The following TUSC3 variants were observed in gnomAD, a reference collection of about 807,000 sequenced individuals.
The protein encoded by TUSC3 is tumor suppressor candidate 3.
Under a neutral mutation model 44.8 loss-of-function variants are expected in TUSC3, and 45 were observed. That is an observed-to-expected ratio of 1.00 (90% CI 0.79 to 1.29). The LOEUF (loss-of-function observed/expected upper bound fraction) is 1.29. Ranked by LOEUF, TUSC3 falls within the 50% of genes most tolerant of loss-of-function variation. The probability of loss-of-function intolerance (pLI) is 0.00; values close to 1 mark genes in which losing one functional copy is unlikely to be tolerated. For missense variants in TUSC3, 519 were observed against 437.9 expected, an observed-to-expected ratio of 1.19 and a Z score of -1.65; for synonymous variants, 212 against 152.9, an observed-to-expected ratio of 1.39 and a Z score of -2.85.
At chr8:15,570,302 A>ACACACT (rs1491248159) in intron 1 of TUSC3, among the ~76,000 whole-genome samples, 1 of 142,358 alleles carries the variant, frequency 7.0e-6, no homozygotes, top group African/African-American at 2.6e-5. Flanking sequence ...ACACACACAC[A>ACACACT]CTCTTACTGA....
intron 1 of TUSC3, among the ~76,000 whole-genome samples, chr8:15,544,071 T>C (rs565248561): frequency 7.9e-5 from 12 of 152,244 alleles, no homozygotes; most frequent in Admixed American, 3.3e-4. Flanking sequence ...GCAAAGAAGA[T>C]TGGAAATTTG....
downstream of TUSC3, among the ~76,000 whole-genome samples, chr8:15,767,066 T>C (rs1585318819): frequency 6.6e-6 from 1 of 152,184 alleles, no homozygotes; most frequent in East Asian, 1.9e-4. Flanking sequence ...GACCAATATA[T>C]GTAATAATGT....
chr8:15,633,586 A>G (rs1226838219), intron 2 of TUSC3, among the ~76,000 whole-genome samples: 1 of 152,172 alleles, frequency 6.6e-6, no homozygotes, highest in African/African-American at 2.4e-5. Context: ...AAAAGAGGGC[A>G]ATTTTTTTAC....
chr8:15,556,249 A>G (rs1802260107), intron 1 of TUSC3, among the ~76,000 whole-genome samples: 1 of 144,706 alleles, frequency 6.9e-6, no homozygotes, highest in African/African-American at 2.5e-5. Flanking sequence ...GAGTGAGAAT[A>G]TGCGGTGTTT....
chr8:15,825,490 C>T, the TUSC3 span, among the ~76,000 whole-genome samples: 1 of 152,062 alleles, frequency 6.6e-6, no homozygotes, highest in Non-Finnish European at 1.5e-5. Context: ...AATTACCTCC[C>T]ACCAGGTCCC....
At chr8:15,454,621 T>C (rs531255497) in intron 1 of TUSC3, among the ~76,000 whole-genome samples, 1 of 152,212 alleles carries the variant, frequency 6.6e-6, no homozygotes, top group Non-Finnish European at 1.5e-5. Context: ...TTTTCTATTT[T>C]ATAGTTCCCC....
At chr8:15,684,501 C>A (rs116979818) in intron 6 of TUSC3, among the ~76,000 whole-genome samples, 1 of 152,116 alleles carries the variant, frequency 6.6e-6, no homozygotes, top group Non-Finnish European at 1.5e-5. Context: ...CAGGCCCAAC[C>A]GGCTAAGCTT....
At chr8:15,457,814 T>C in intron 1 of TUSC3, among the ~76,000 whole-genome samples, 1 of 63,966 alleles carries the variant, frequency 1.6e-5, no homozygotes, top group South Asian at 3.6e-4. Flanking sequence ...AATAATTTAT[T>C]AGATAATTAA....
At chr8:15,754,405 C>G (rs1430180024) in intron 9 of TUSC3, among the ~76,000 whole-genome samples, 1 of 152,056 alleles carries the variant, frequency 6.6e-6, no homozygotes, top group Non-Finnish European at 1.5e-5. Flanking sequence ...TTGACTTCCC[C>G]AATTTTAACA....
intron 6 of TUSC3, among the ~76,000 whole-genome samples, chr8:15,720,799 C>T (rs1482282712): frequency 6.6e-6 from 1 of 152,112 alleles, no homozygotes; most frequent in South Asian, 2.1e-4. Context: ...AGAGATTTTG[C>T]TTATATTGCG....
At chr8:15,759,415 T>C (rs539954028) in intron 10 of TUSC3, among the ~76,000 whole-genome samples, 3 of 152,168 alleles carry the variant, frequency 2.0e-5, no homozygotes, top group African/African-American at 7.2e-5. Context: ...AATACATTTG[T>C]TCCAGAACAC....
At chr8:15,483,649 A>ATTTTTTTTTTTTTTTTTTTTTTTTTTT (rs60092911) in intron 2 of TUSC3, among the ~76,000 whole-genome samples, 3 of 66,160 alleles carry the variant, frequency 4.5e-5, no homozygotes, top group South Asian at 6.6e-4. Context: ...TAGCACTGTG[A>ATTTTTTTTTTTTTTTTTTTTTTTTTTT]TTTTTTTTTT....
intron 1 of TUSC3, among the ~76,000 whole-genome samples, chr8:15,565,485 T>TGG (rs1802632398): frequency 6.6e-6 from 1 of 152,160 alleles, no homozygotes; most frequent in Admixed American, 6.5e-5. Flanking sequence ...CACAGCTACC[T>TGG]GCTTAGCTGT....
intron 8 of TUSC3, among the ~76,000 whole-genome samples, chr8:15,746,626 A>T (rs1056721740): frequency 1.3e-5 from 2 of 152,082 alleles, no homozygotes; most frequent in African/African-American, 4.8e-5. Flanking sequence ...TCAAGTAATT[A>T]TCTTCTGTCT....
At chr8:15,788,976 C>A in the TUSC3 span, among the ~76,000 whole-genome samples, 2 of 152,290 alleles carry the variant, frequency 1.3e-5, no homozygotes, top group South Asian at 4.1e-4. Flanking sequence ...TGGCAAGCTA[C>A]GCCTCCCCTT....
chr8:15,667,799 C>T (rs974709024), intron 5 of TUSC3, among the ~76,000 whole-genome samples: 3 of 151,552 alleles, frequency 2.0e-5, no homozygotes, highest in Non-Finnish European at 3.0e-5. Context: ...AATGTTTTCC[C>T]CAAACCAAAT....
chr8:15,621,448 T>A (rs992734178), intron 1 of TUSC3, among the ~76,000 whole-genome samples: 7 of 149,702 alleles, frequency 4.7e-5, no homozygotes, highest in Non-Finnish European at 8.9e-5. Flanking sequence ...AGATAAGTTA[T>A]CATTTTCAGT....
chr8:15,750,609 C>G (rs898427149), intron 9 of TUSC3, among the ~76,000 whole-genome samples: 1 of 151,332 alleles, frequency 6.6e-6, no homozygotes, highest in African/African-American at 2.4e-5. Flanking sequence ...TTGTTTTTAA[C>G]GGAGGCTGGA....
intron 1 of TUSC3, among the ~76,000 whole-genome samples, chr8:15,607,636 A>G (rs1257916390): frequency 6.6e-6 from 1 of 152,166 alleles, no homozygotes; most frequent in African/African-American, 2.4e-5. Flanking sequence ...AGATTCCACA[A>G]TTAACAATTG....
Sources: gnomAD v4.1 joint callset for allele counts (sites outside exome capture counted in the v4.1 genomes callset) on GRCh38, gnomAD v4.1.1 for gene constraint, MANE v1.5 for transcripts, NCBI Gene and HGNC (gene_info 2026-07-23, HGNC 2026-07-21) for gene names.